NEK11: variants seen among roughly 807,000 people sequenced by gnomAD.
NEK11 encodes the protein serine/threonine-protein kinase Nek11.
NEK11 carries 72 observed loss-of-function variants against 80.7 expected under a neutral mutation model. The ratio of observed to expected loss-of-function variants is 0.89; its 90% CI spans 0.74 to 1.08. The LOEUF (loss-of-function observed/expected upper bound fraction) is 1.08, where lower values mean the gene tolerates loss of function less well. Among genes scored for constraint, NEK11 ranks in the 50% least tolerant of loss-of-function variants. The pLI is 0.00. For synonymous variants in NEK11, 251 were observed against 260.7 expected (o/e 0.96, Z 0.36); for missense variants, 764 against 763.6 (o/e 1.00, Z -0.01).
chr3:131,311,231 G>C (rs146303053), intron 17 of NEK11, among the ~76,000 whole-genome samples: 1,530 of 152,270 alleles, frequency 0.01, 22 homozygotes, highest in African/African-American at 0.033. Flanking sequence ...CCATGACCTA[G>C]AGCATTTATC....
intron 17 of NEK11, 127 bp from the exon 18 acceptor site, chr3:131,349,430 T>C (rs1487538597): frequency 2.3e-5 from 18 of 766,326 alleles, no homozygotes; most frequent in Non-Finnish European, 3.7e-5. Context: ...TATTGTGCCT[T>C]TTCTTCCCCC....
At chr3:131,174,643 C>A (rs1364146155) in intron 14 of NEK11, 36 of 1,031,470 alleles carry the variant, frequency 3.5e-5, no homozygotes, top group Non-Finnish European at 4.9e-5. Context: ...GAAAGTACAA[C>A]TGGAATGTTA....
At chr3:131,203,704 ATGTATATATGTATATT>A (rs1187862860) in intron 14 of NEK11, among the ~76,000 whole-genome samples, 9 of 145,642 alleles carry the variant, frequency 6.2e-5, no homozygotes. Flanking sequence ...ATATGTATAT[ATGTATATATGTATATT>A]TGTATATTAT....
intron 17 of NEK11, among the ~76,000 whole-genome samples, chr3:131,337,758 A>G (rs887235443): frequency 1.2e-4 from 18 of 152,154 alleles, no homozygotes; most frequent in Admixed American, 1.1e-3. Flanking sequence ...CTGCACAGCT[A>G]GCTAGGAGCA....
chr3:131,110,085 A>AC (rs1389971801), intron 5 of NEK11, among the ~76,000 whole-genome samples, 164 bp downstream of exon 5: 2 of 152,174 alleles, frequency 1.3e-5, no homozygotes, highest in African/African-American at 2.4e-5. Flanking sequence ...CTGTTGAATG[A>AC]TTATATCTAG....
intron 14 of NEK11, among the ~76,000 whole-genome samples, chr3:131,184,504 T>G (rs1009646659): frequency 3.3e-5 from 5 of 152,206 alleles, no homozygotes; most frequent in Non-Finnish European, 5.9e-5. Context: ...GAGTTGGTGT[T>G]GCTAAGTATT....
intron 14 of NEK11, among the ~76,000 whole-genome samples, chr3:131,196,733 A>G (rs1051153725): frequency 5.3e-5 from 8 of 151,968 alleles, no homozygotes; most frequent in Admixed American, 2.0e-4. Context: ...GGGTTTCACC[A>G]TATTGGCCAG....
At chr3:131,348,720 A>T (rs896153952) in intron 17 of NEK11, among the ~76,000 whole-genome samples, 2 of 151,320 alleles carry the variant, frequency 1.3e-5, no homozygotes, top group African/African-American at 2.4e-5. Flanking sequence ...ATGTTGACAT[A>T]TGGACAATCA....
chr3:131,045,719 A>G (rs894999358), intron 3 of NEK11, among the ~76,000 whole-genome samples: 4 of 152,018 alleles, frequency 2.6e-5, no homozygotes, highest in African/African-American at 9.7e-5. Context: ...GTCCCCCACT[A>G]TTATTGTGTT....
At chr3:131,328,193 G>T (rs2097006173) in intron 17 of NEK11, among the ~76,000 whole-genome samples, 7 of 152,004 alleles carry the variant, frequency 4.6e-5, no homozygotes, top group Admixed American at 4.6e-4. Flanking sequence ...TACAGACTGA[G>T]GTGGGAGGAT....
intron 3 of NEK11, among the ~76,000 whole-genome samples, chr3:131,031,458 G>GGATCATATCCA (rs1418995336): frequency 6.6e-6 from 1 of 152,120 alleles, no homozygotes; most frequent in Admixed American, 6.5e-5. Flanking sequence ...CTACACTGTA[G>GGATCATATCCA]GATCATATCC....
chr3:131,254,160 G>A (rs1265992243), intron 16 of NEK11, among the ~76,000 whole-genome samples: 1 of 152,078 alleles, frequency 6.6e-6, no homozygotes, highest in Non-Finnish European at 1.5e-5. Context: ...TAAACAGAAG[G>A]GATAATGGAA....
chr3:131,193,102 C>T (rs2093864277), intron 14 of NEK11, among the ~76,000 whole-genome samples: 1 of 152,104 alleles, frequency 6.6e-6, no homozygotes, highest in Non-Finnish European at 1.5e-5. Context: ...TAAATCTATA[C>T]ATATTAACAT....
chr3:131,325,070 T>C (rs1398279245), intron 17 of NEK11: 2 of 152,198 alleles, frequency 1.3e-5, no homozygotes, highest in Non-Finnish European at 2.9e-5. Context: ...TTGTGGTTTA[T>C]GATACAACAC....
chr3:131,236,373 T>G (rs2095431220), intron 15 of NEK11, among the ~76,000 whole-genome samples: 1 of 152,168 alleles, frequency 6.6e-6, no homozygotes. Context: ...AGCCCTGCTT[T>G]TTTTTCGTCT....
intron 15 of NEK11, among the ~76,000 whole-genome samples, chr3:131,232,853 C>T (rs540356685): frequency 1.1e-4 from 16 of 152,074 alleles, no homozygotes; most frequent in South Asian, 4.2e-4. Flanking sequence ...ATTCTATGCT[C>T]GGTACTTTGC....
intron 14 of NEK11, among the ~76,000 whole-genome samples, chr3:131,196,952 C>T (rs1196497765): frequency 6.6e-6 from 1 of 151,926 alleles, no homozygotes; most frequent in Admixed American, 6.6e-5. Flanking sequence ...ATTGCTGGCT[C>T]CAATGCCTGG....
At chr3:131,244,308 T>C (rs959013781) in intron 16 of NEK11, among the ~76,000 whole-genome samples, 1 of 152,134 alleles carries the variant, frequency 6.6e-6, no homozygotes, top group Non-Finnish European at 1.5e-5. Context: ...ACCTCAGTCA[T>C]AACATAAGTC....
intron 5 of NEK11, among the ~76,000 whole-genome samples, chr3:131,116,856 T>G (rs142812781): frequency 0.013 from 2,014 of 152,280 alleles, 39 homozygotes; most frequent in African/African-American, 0.045. Flanking sequence ...GTTTAAGTTC[T>G]TTGTAGATTC....
Sources: allele counts gnomAD v4.1 joint callset (sites outside exome capture counted in the v4.1 genomes callset), GRCh38; gene constraint gnomAD v4.1.1; transcripts MANE v1.5; gene names NCBI Gene and HGNC (gene_info 2026-07-23, HGNC 2026-07-21).